The following PALM2AKAP2 variants were observed in gnomAD, a reference collection of about 807,000 sequenced individuals.
PALM2AKAP2 encodes PALM2 and AKAP2 fusion.
PALM2AKAP2 carries 37 observed loss-of-function variants against 71.5 expected under a neutral mutation model. That is an observed-to-expected ratio of 0.52 (90% CI 0.40 to 0.68). The LOEUF (loss-of-function observed/expected upper bound fraction) is 0.68. PALM2AKAP2 is among the 30% of genes least tolerant of loss of function. PALM2AKAP2 has a pLI of 0.00. For synonymous variants in PALM2AKAP2, 468 were observed against 478.8 expected (o/e 0.98, Z 0.29); for missense variants, 1,224 against 1,191.8 (o/e 1.03, Z -0.40).
chr9:109,898,195 A>G (rs533180721), intron 3 of PALM2AKAP2, among the ~76,000 whole-genome samples: 1 of 152,364 alleles, frequency 6.6e-6, no homozygotes, highest in South Asian at 2.1e-4. Flanking sequence ...ACATAGTAGC[A>G]GTGGTACCCT....
chr9:109,717,354 G>A (rs1422851044), intron 1 of PALM2AKAP2, among the ~76,000 whole-genome samples: 1 of 152,166 alleles, frequency 6.6e-6, no homozygotes, highest in Non-Finnish European at 1.5e-5. Flanking sequence ...AGTTTAGGAG[G>A]TGGGAGGCCC....
intron 1 of PALM2AKAP2, among the ~76,000 whole-genome samples, chr9:109,851,091 G>A (rs915375325): frequency 1.3e-5 from 2 of 152,020 alleles, no homozygotes; most frequent in African/African-American, 2.4e-5. Context: ...GCAGGAGAAT[G>A]GCATGAACCC....
Position 109,663,909 on chromosome 9 carries a change from T to A in PALM2AKAP2, c.5+23043T>A, listed in dbSNP as rs140739998. Among the ~76,000 whole-genome samples the A allele has an allele frequency of 4.7e-3, 718 of 152,354 alleles. 9 individuals carry two copies. The highest frequency in any genetic ancestry group is 0.016 in the African/African-American group (684 of 41,584). ...ATATCTATTTAGGATAGTTAGGTCT[T>A]CTTGTTGAATTGATCCCTTTACCAT... On this transcript the variant is annotated intron_variant, in intron 1 of 6. Transcript: ENST00000374531.
chr9:109,948,188 G>C (rs185903247), intron 6 of PALM2AKAP2, among the ~76,000 whole-genome samples: 113 of 152,264 alleles, frequency 7.4e-4, no homozygotes, highest in African/African-American at 2.7e-3. Context: ...TGTTTTCATA[G>C]CTTCAGCAAA....
At chr9:109,906,916 C>G (rs1393142773) in intron 3 of PALM2AKAP2, among the ~76,000 whole-genome samples, 3 of 152,190 alleles carry the variant, frequency 2.0e-5, no homozygotes, top group African/African-American at 7.2e-5. Flanking sequence ...CCTGATCCTC[C>G]CTGTCACTTT....
chr9:110,156,557 G>T, intron 3 of PALM2AKAP2, 60 bp downstream of exon 9: 1 of 1,503,902 alleles, frequency 6.6e-7, no homozygotes, highest in Non-Finnish European at 8.9e-7. Flanking sequence ...TGTGGCGTGT[G>T]GCATTCCAGT....
chr9:109,817,086 A>G (rs546729932), intron 1 of PALM2AKAP2, among the ~76,000 whole-genome samples: 7 of 152,274 alleles, frequency 4.6e-5, no homozygotes, highest in Non-Finnish European at 1.0e-4. Context: ...TCTTAGGCAC[A>G]TAAAATGATA....
At chr9:110,023,301 G>GTTTCT (rs1169689773) in intron 7 of PALM2AKAP2, among the ~76,000 whole-genome samples, 9 of 101,430 alleles carry the variant, frequency 8.9e-5, no homozygotes, top group African/African-American at 3.7e-4. Context: ...TCTCATTGTG[G>GTTTCT]TTTCTTTTTT....
intron 3 of PALM2AKAP2, among the ~76,000 whole-genome samples, chr9:109,885,170 G>A (rs1460264054): frequency 6.6e-6 from 1 of 152,082 alleles, no homozygotes; most frequent in Non-Finnish European, 1.5e-5. Flanking sequence ...GAAGTTCCAG[G>A]TTTACAGACA....
intron 7 of PALM2AKAP2, chr9:110,024,865 A>AT: frequency 2.5e-6 from 2 of 791,784 alleles, no homozygotes; most frequent in Non-Finnish European, 4.3e-6. Context: ...TTATTTATTT[A>AT]TTTTTTAAAC....
At chr9:110,059,381 A>G (rs961299386) in intron 1 of PALM2AKAP2, among the ~76,000 whole-genome samples, 2 of 152,088 alleles carry the variant, frequency 1.3e-5, no homozygotes, top group African/African-American at 4.8e-5. Context: ...TTGTTGTTCT[A>G]TTATGTCCTC....
At chr9:109,741,416 A>G (rs763260195) in intron 1 of PALM2AKAP2, among the ~76,000 whole-genome samples, 2 of 152,198 alleles carry the variant, frequency 1.3e-5, no homozygotes, top group Non-Finnish European at 2.9e-5. Flanking sequence ...GCTGCCGTGA[A>G]TATTCTTGAA....
chr9:110,062,149 G>A (rs1833979467), intron 1 of PALM2AKAP2, among the ~76,000 whole-genome samples: 1 of 152,136 alleles, frequency 6.6e-6, no homozygotes, highest in South Asian at 2.1e-4. Context: ...TTGTTACATA[G>A]GTAAACGTGT....
chr9:110,106,432 A>G (rs1835122918), intron 1 of PALM2AKAP2, among the ~76,000 whole-genome samples: 1 of 152,234 alleles, frequency 6.6e-6, no homozygotes, highest in Non-Finnish European at 1.5e-5. Context: ...GGGAAGGGCC[A>G]TACTCTTAAC....
rs117795284 is a variant in PALM2AKAP2, at chr9:109,706,009, C to T, written c.5+65143C>T. Among the ~76,000 whole-genome samples, 38 of 152,326 alleles carry T rather than the reference C, an allele frequency of 2.5e-4. No homozygotes were observed. The East Asian group carries it at 7.1e-3, about 29-fold the overall frequency. ...AAGAAGGAATGAACCATGCTTGCCTCTAACTTCAAGTCTCCCCAGCAAGGG... is the reference window on the plus strand; with the variant it reads ...AAGAAGGAATGAACCATGCTTGCCTTTAACTTCAAGTCTCCCCAGCAAGGG... On this transcript the variant is annotated intron_variant, in intron 1 of 6. Transcript: ENST00000374531.
chr9:109,717,796 T>C (rs1828348288), intron 1 of PALM2AKAP2, among the ~76,000 whole-genome samples: 1 of 152,206 alleles, frequency 6.6e-6, no homozygotes, highest in Non-Finnish European at 1.5e-5. Context: ...GTCTGAAGTC[T>C]CAAATGATTG....
At chr9:109,680,168 A>T (rs1351774039) in intron 1 of PALM2AKAP2, among the ~76,000 whole-genome samples, 1 of 152,172 alleles carries the variant, frequency 6.6e-6, no homozygotes, top group Non-Finnish European at 1.5e-5. Context: ...TGTCCAGTTA[A>T]TTTCTTCCCA....
chr9:109,737,931 G>A (rs1828660975), intron 1 of PALM2AKAP2, among the ~76,000 whole-genome samples: 1 of 152,290 alleles, frequency 6.6e-6, no homozygotes, highest in Admixed American at 6.5e-5. Context: ...GACATTAGGT[G>A]GATGGACACC....
intron 1 of PALM2AKAP2, among the ~76,000 whole-genome samples, chr9:110,089,999 A>G (rs938821729): frequency 1.3e-5 from 2 of 152,246 alleles, no homozygotes; most frequent in Non-Finnish European, 2.9e-5. Context: ...AATTCAAGTA[A>G]CAGCTAGTAT....
Sources: allele counts gnomAD v4.1 joint callset (sites outside exome capture counted in the v4.1 genomes callset), GRCh38; gene constraint gnomAD v4.1.1; transcripts MANE v1.5; gene names NCBI Gene and HGNC (gene_info 2026-07-23, HGNC 2026-07-21).